The following MAPK9 variants were observed in gnomAD, a reference collection of about 807,000 sequenced individuals.
MAPK9 encodes the protein mitogen-activated protein kinase 9.
A neutral mutation model predicts 57.1 loss-of-function variants in MAPK9; 30 were observed. The observed-to-expected ratio is 0.53, with a 90% CI of 0.39 to 0.71. The LOEUF (loss-of-function observed/expected upper bound fraction) is 0.71. MAPK9 is among the 30% of genes least tolerant of loss of function. The probability of loss-of-function intolerance (pLI) is 0.00; values close to 1 mark genes in which losing one functional copy is unlikely to be tolerated. For missense variants in MAPK9, 362 were observed against 521.0 expected, an observed-to-expected ratio of 0.69 and a Z score of 2.97; for synonymous variants, 155 against 177.0, an observed-to-expected ratio of 0.88 and a Z score of 0.99.
intron 7 of MAPK9, among the ~76,000 whole-genome samples, chr5:180,245,603 T>C (rs1176649442): frequency 6.6e-6 from 1 of 152,092 alleles, no homozygotes; most frequent in African/African-American, 2.4e-5. Context: ...GGAACAATAA[T>C]TCCGACAAGC....
At position 180,265,835 on chromosome 5, in the gene MAPK9, C is replaced by T. The variant is rs965742539; in HGVS notation, c.253-996G>A. ...TTAGCTAAGGACAAAAATAAAACTG[C>T]ATCCATATTTCAATCTTTATACCAA... is the stretch of plus-strand genomic sequence containing the variant. On this transcript the variant is annotated intron_variant, in intron 3 of 11. Transcript: ENST00000452135. Among the ~76,000 whole-genome samples, 3 of 152,108 alleles carry T rather than the reference C, an allele frequency of 2.0e-5. No homozygotes were observed. In the East Asian group the frequency reaches 5.8e-4, roughly 29 times the overall value.
At chr5:180,253,759 A>G (rs1758956674) in intron 5 of MAPK9, 1 of 152,282 alleles carries the variant, frequency 6.6e-6, no homozygotes, top group African/African-American at 2.4e-5. Flanking sequence ...CCACATGAGA[A>G]GCACAGCCCT....
At chr5:180,277,364 G>C (rs2127617602) in intron 2 of MAPK9, among the ~76,000 whole-genome samples, 2 of 152,248 alleles carry the variant, frequency 1.3e-5, no homozygotes, top group Middle Eastern at 6.8e-3. Context: ...CTGGTTGGAG[G>C]CTTCCTGTAT....
intron 3 of MAPK9, among the ~76,000 whole-genome samples, chr5:180,267,719 G>A (rs955851080): frequency 2.0e-5 from 3 of 152,040 alleles, no homozygotes; most frequent in African/African-American, 4.8e-5. Flanking sequence ...TTTAAAAACT[G>A]CCAAGCATGG....
At chr5:180,287,980 C>T (rs1373218661) in intron 1 of MAPK9, among the ~76,000 whole-genome samples, 1 of 152,200 alleles carries the variant, frequency 6.6e-6, no homozygotes, top group African/African-American at 2.4e-5. Context: ...TGGTTAAGAT[C>T]GGGACTTTGA....
intron 10 of MAPK9, among the ~76,000 whole-genome samples, chr5:180,238,608 CTTTT>C (rs746336177): frequency 8.2e-5 from 7 of 85,166 alleles, no homozygotes; most frequent in East Asian, 5.3e-4. Flanking sequence ...TCTTCTTCTT[CTTTT>C]TTTTTTTTTT....
chr5:180,279,466 C>T (rs1384835967), intron 2 of MAPK9, among the ~76,000 whole-genome samples: 1 of 152,176 alleles, frequency 6.6e-6, no homozygotes, highest in African/African-American at 2.4e-5. Flanking sequence ...ACAACTGTTT[C>T]CCTGATCATA....
intron 1 of MAPK9, among the ~76,000 whole-genome samples, chr5:180,282,570 G>A (rs753820299): frequency 1.4e-4 from 22 of 152,212 alleles, no homozygotes; most frequent in Non-Finnish European, 2.8e-4. Flanking sequence ...TGCCAGAGAT[G>A]GACAGTAGAG....
intron 2 of MAPK9, chr5:180,279,844 G>C (rs1448668794): frequency 2.2e-6 from 1 of 456,588 alleles, no homozygotes; most frequent in South Asian, 1.5e-5. Flanking sequence ...TACCATGCAA[G>C]AGACTAACGT....
chr5:180,249,223 T>G, intron 5 of MAPK9, 85 bp from the exon 6 acceptor site: 1 of 1,304,564 alleles, frequency 7.7e-7, no homozygotes, highest in African/African-American at 1.5e-5. Context: ...GTGAAGCCAG[T>G]GTGAGAGTGT....
chr5:180,257,161 G>A (rs978948301), intron 5 of MAPK9, among the ~76,000 whole-genome samples: 1 of 152,184 alleles, frequency 6.6e-6, no homozygotes, highest in African/African-American at 2.4e-5. Flanking sequence ...GGGAGGACAA[G>A]AGCTATCCCT....
At chr5:180,236,650 A>G in intron 11 of MAPK9, 124 bp from the exon 12 acceptor site, 1 of 1,015,622 alleles carries the variant, frequency 9.8e-7, no homozygotes, top group Non-Finnish European at 1.4e-6. Context: ...AACTATGAGT[A>G]TAGACAAGAA....
intron 4 of MAPK9, among the ~76,000 whole-genome samples, chr5:180,262,280 G>A (rs1243963798): frequency 2.6e-5 from 4 of 151,986 alleles, no homozygotes; most frequent in Non-Finnish European, 2.9e-5. Flanking sequence ...CAATATATAC[G>A]TTTTTAAAAG....
At chr5:180,268,750 C>A (rs1316169042) in intron 3 of MAPK9, among the ~76,000 whole-genome samples, 1 of 150,832 alleles carries the variant, frequency 6.6e-6, no homozygotes, top group Non-Finnish European at 1.5e-5. Context: ...TGGCATGAAC[C>A]CGGGAGGTGG....
At chr5:180,248,774 GTGAATTTTTAAAAGAGAATGA>G (rs1371386913) in intron 6 of MAPK9, among the ~76,000 whole-genome samples, 178 bp downstream of exon 6, 1 of 152,212 alleles carries the variant, frequency 6.6e-6, no homozygotes. Context: ...AATTTTAAAA[GTGAATTTTTAAAAGAGAATGA>G]TTTTAACCAA....
At chr5:180,237,808 C>T (rs1581156618) in intron 11 of MAPK9, 1 of 152,416 alleles carries the variant, frequency 6.6e-6, no homozygotes, top group Non-Finnish European at 1.5e-5. Flanking sequence ...GCTAGCCAGG[C>T]TGGCATTTCA....
chr5:180,279,522 T>G (rs527511225), intron 2 of MAPK9, among the ~76,000 whole-genome samples: 12 of 152,218 alleles, frequency 7.9e-5, no homozygotes, highest in African/African-American at 2.6e-4. Flanking sequence ...TTAAAGATTC[T>G]CCAAACCCAA....
chr5:180,282,741 C>G (rs1199832440), intron 1 of MAPK9, among the ~76,000 whole-genome samples: 1 of 152,218 alleles, frequency 6.6e-6, no homozygotes, highest in African/African-American at 2.4e-5. Flanking sequence ...CGTCAACACA[C>G]CAGCAACACA....
At position 180,240,377 on chromosome 5, in the gene MAPK9, C is replaced by T. The variant is rs558958205; in HGVS notation, c.997-390G>A. ...TTTACATTTTCTTCATGGGAGAACT[C>T]CCAAATCCAATGTCCAACTCATAAA... On this transcript the variant is annotated intron_variant, in intron 9 of 11. Coordinates refer to ENST00000452135, the MANE Select transcript of MAPK9 (RefSeq NM_002752.5). 1.2e-4 allele frequency among the ~76,000 whole-genome samples: 18 copies of T among 152,330 alleles called. No homozygotes were observed. In the South Asian group the frequency reaches 3.7e-3, roughly 32 times the overall value.
Sources: gnomAD v4.1 joint callset for allele counts (sites outside exome capture counted in the v4.1 genomes callset) on GRCh38, gnomAD v4.1.1 for gene constraint, MANE v1.5 for transcripts, NCBI Gene and HGNC (gene_info 2026-07-23, HGNC 2026-07-21) for gene names.